Variants in TRAPPC12 observed in about 807,000 individuals in gnomAD.
TRAPPC12 encodes TPR repeat protein 15.
A neutral mutation model predicts 69.2 loss-of-function variants in TRAPPC12; 61 were observed. That is an observed-to-expected ratio of 0.88 (90% confidence interval 0.72 to 1.09). The LOEUF (loss-of-function observed/expected upper bound fraction) is 1.09. Among genes scored for constraint, TRAPPC12 ranks in the 50% least tolerant of loss-of-function variants. The probability of loss-of-function intolerance (pLI) is 0.00; values close to 1 mark genes in which losing one functional copy is unlikely to be tolerated. For synonymous variants in TRAPPC12, 469 were observed against 438.9 expected (o/e 1.07, Z -0.86); for missense variants, 1,101 against 1,016.4 (o/e 1.08, Z -1.13).
At chr2:3,421,085 G>A (rs1662755247) in intron 3 of TRAPPC12, among the ~76,000 whole-genome samples, 1 of 152,192 alleles carries the variant, frequency 6.6e-6, no homozygotes, top group Non-Finnish European at 1.5e-5. Context: ...CAGAAATGAG[G>A]ACATCTACCG....
chr2:3,395,930 A>G (rs539555198), intron 2 of TRAPPC12, among the ~76,000 whole-genome samples: 26 of 152,220 alleles, frequency 1.7e-4, no homozygotes, highest in Non-Finnish European at 3.5e-4. Context: ...TGGTTTTGCC[A>G]TGTTGGTCAG....
intron 4 of TRAPPC12, 33 bp downstream of exon 4, chr2:3,422,027 C>A: frequency 6.5e-7 from 1 of 1,543,228 alleles, no homozygotes; most frequent in East Asian, 2.4e-5. Flanking sequence ...GGAGTTTAAC[C>A]TGGCTTATCA....
chr2:3,425,849 T>C (rs1663071969), intron 5 of TRAPPC12, among the ~76,000 whole-genome samples: 1 of 152,244 alleles, frequency 6.6e-6, no homozygotes, highest in Non-Finnish European at 1.5e-5. Flanking sequence ...ATAAACATTC[T>C]GTTGAACTTG....
At position 3,388,618 on chromosome 2, in the gene TRAPPC12, T is replaced by G. The variant is rs1158924223; in HGVS notation, c.995T>G (p.Phe332Cys). Residue 332 changes from phenylalanine to cysteine, a missense_variant, in exon 2 of 12, where the codon TTC (phenylalanine) becomes TGC (cysteine). Physicochemically the swap from Phe to Cys is radical, Grantham distance 205. Coordinates refer to ENST00000324266, the MANE Select transcript of TRAPPC12 (RefSeq NM_016030.6). ...AVATQQRGAV[F>C]VDKENLTMPG... ...GCCACCCAGCAGCGCGGCGCCGTGT[T>G]CGTGGACAAGGAGAACCTCACCATG... The G allele has an allele frequency of 6.3e-7, 1 of 1,598,386 alleles. No individual in the cohort carries two copies. Among genetic ancestry groups the G allele is most frequent in the South Asian group, 1.1e-5 (1 of 88,930 alleles).
intron 7 of TRAPPC12, chr2:3,460,060 A>G (rs1216595173): frequency 4.7e-6 from 3 of 641,662 alleles, no homozygotes; most frequent in Middle Eastern, 3.6e-4. Context: ...TCTCTTCCCA[A>G]AGCCACCTCT....
In TRAPPC12 at chr2:3,383,871, G is replaced by GTTTTTTTTTTTTTTTTTTTTTTTT. The variant is rs34956958; in HGVS notation, c.-4-3731_-4-3708dup. On this transcript the variant is annotated intron_variant, in intron 1 of 11. Transcript: ENST00000324266. ...TATTCCCTTGTGATAGTTCAGTCTT[G>GTTTTTTTTTTTTTTTTTTTTTTTT]TTTTTTTTTTTTTTTTTTTTTTTTT... Among the ~76,000 whole-genome samples, 5 of 85,590 alleles carry GTTTTTTTTTTTTTTTTTTTTTTTT rather than the reference G, an allele frequency of 5.8e-5. 1 individual carries two copies. The highest frequency in any genetic ancestry group is 9.3e-5 in the Non-Finnish European group (4 of 42,902). The allele number at this position is 85,590 out of a possible 152,430, so 56.2% of individuals were successfully genotyped here.
chr2:3,396,733 A>G (rs1188257203), intron 2 of TRAPPC12, among the ~76,000 whole-genome samples: 1 of 151,982 alleles, frequency 6.6e-6, no homozygotes, highest in East Asian at 1.9e-4. Flanking sequence ...AGCTAATCCT[A>G]TTCAGTGACT....
Position 3,388,025 on chromosome 2 carries a change from C to T in TRAPPC12, c.402C>T (p.Asp134=), listed in dbSNP as rs1352787536. Residue 134 remains aspartate (D), a synonymous_variant, in exon 2 of 12, where the codon GAC becomes GAT. Transcript: ENST00000324266. ...GTAGCGGAGGGGCCCCGAGGCAGGACGCGGCCCGCGAGGTCCCAGGCAGCG... is the reference window on the plus strand; with the variant it reads ...GTAGCGGAGGGGCCCCGAGGCAGGATGCGGCCCGCGAGGTCCCAGGCAGCG... ...APSSGGAPRQ[D]AAREVPGSEA... is the part of the protein sequence containing the mutation. 1 of 1,473,490 alleles carries T rather than the reference C, an allele frequency of 6.8e-7. No homozygotes were observed. Among genetic ancestry groups the T allele is most frequent in the South Asian group, 1.3e-5 (1 of 76,016 alleles). The allele number at this position is 1,473,490 out of a possible 1,614,324, so 91.3% of individuals were successfully genotyped here.
chr2:3,427,868 G>C (rs1663202073), intron 5 of TRAPPC12, among the ~76,000 whole-genome samples: 1 of 151,354 alleles, frequency 6.6e-6, no homozygotes. Flanking sequence ...ACTCCAGCCT[G>C]AGCAACAGAG....
At chr2:3,402,741 C>T (rs1244366428) in intron 3 of TRAPPC12, among the ~76,000 whole-genome samples, 2 of 152,156 alleles carry the variant, frequency 1.3e-5, no homozygotes, top group Non-Finnish European at 1.5e-5. Context: ...GGAAGTTTGT[C>T]GCGTATGTTT....
intron 1 of TRAPPC12, among the ~76,000 whole-genome samples, chr2:3,380,561 C>T (rs1453350511): frequency 6.6e-6 from 1 of 152,158 alleles, no homozygotes; most frequent in South Asian, 2.1e-4. Flanking sequence ...TTTTTAATGG[C>T]TACTTGAAGA....
intron 5 of TRAPPC12, among the ~76,000 whole-genome samples, chr2:3,435,363 T>C (rs1234511938): frequency 6.6e-6 from 1 of 152,150 alleles, no homozygotes; most frequent in African/African-American, 2.4e-5. Context: ...CTCATTAACA[T>C]TTTTTTAAAT....
intron 5 of TRAPPC12, among the ~76,000 whole-genome samples, chr2:3,430,983 C>T (rs1202439447): frequency 6.6e-6 from 1 of 152,126 alleles, no homozygotes; most frequent in African/African-American, 2.4e-5. Context: ...GAGCTCTGCA[C>T]GCTGTTGCTG....
rs979362109 is a variant in TRAPPC12, at chr2:3,387,665, G to A, written c.42G>A (p.Glu14=). 6.4e-7 allele frequency: 1 copy of A among 1,551,160 alleles called. No individual in the cohort carries two copies. Among genetic ancestry groups the A allele is most frequent in the African/African-American group, 1.4e-5 (1 of 73,052 alleles). Residue 14 remains glutamate, a synonymous_variant, in exon 2 of 12, where the codon GAG becomes GAA. Coordinates refer to ENST00000324266, the MANE Select transcript of TRAPPC12 (RefSeq NM_016030.6). ...AGGGEETPAP[E]APHPPQLAPP... is the part of the protein sequence containing the mutation. ...GCGGCGAGGAGACCCCGGCCCCGGA[G>A]GCCCCGCACCCCCCTCAGCTCGCGC...
At chr2:3,402,585 G>T (rs1190084275) in intron 3 of TRAPPC12, among the ~76,000 whole-genome samples, 2 of 152,210 alleles carry the variant, frequency 1.3e-5, no homozygotes, top group African/African-American at 4.8e-5. Flanking sequence ...TACAGAGCGA[G>T]ACTCCGTCTC....
chr2:3,424,961 G>A (rs192965119), intron 5 of TRAPPC12, among the ~76,000 whole-genome samples: 11 of 152,358 alleles, frequency 7.2e-5, no homozygotes, highest in Admixed American at 2.0e-4. Flanking sequence ...TCTGAGCTGC[G>A]CTCCACAGGG....
chr2:3,413,913 C>G (rs1662199311), intron 3 of TRAPPC12, among the ~76,000 whole-genome samples: 1 of 152,090 alleles, frequency 6.6e-6, no homozygotes, highest in African/African-American at 2.4e-5. Flanking sequence ...ACGATAGTAC[C>G]CATTTGCCCT....
At chr2:3,417,601 C>T (rs1222406853) in intron 3 of TRAPPC12, among the ~76,000 whole-genome samples, 1 of 152,162 alleles carries the variant, frequency 6.6e-6, no homozygotes, top group Admixed American at 6.5e-5. Context: ...TCCCCCCGAG[C>T]CTAGCACAGT....
chr2:3,420,616 C>A (rs1465233873), intron 3 of TRAPPC12, among the ~76,000 whole-genome samples: 3 of 152,188 alleles, frequency 2.0e-5, no homozygotes, highest in Non-Finnish European at 2.9e-5. Context: ...CTGCCTTCAA[C>A]ACAGCCCCCC....
Sources: allele counts gnomAD v4.1 joint callset (sites outside exome capture counted in the v4.1 genomes callset), GRCh38; gene constraint gnomAD v4.1.1; transcripts MANE v1.5; gene names NCBI Gene and HGNC (gene_info 2026-07-23, HGNC 2026-07-21).